Variants in RNF40 observed in about 807,000 individuals in gnomAD.
The protein encoded by RNF40 is ring finger protein 40, also known as E3 ubiquitin-protein ligase BRE1B.
In RNF40, 39 loss-of-function variants were observed where a neutral mutation model predicts 123.3. The observed-to-expected ratio is 0.32, with a 90% confidence interval of 0.24 to 0.41. The LOEUF is 0.41. RNF40 is among the 10% of genes least tolerant of loss of function. The pLI is 1.00. For synonymous variants in RNF40, 538 were observed against 526.0 expected (o/e 1.02, Z -0.31); for missense variants, 1,003 against 1,319.9 (o/e 0.76, Z 3.72).
chr16:30,770,420 T>C (rs1016023987), intron 17 of RNF40, among the ~76,000 whole-genome samples: 66 of 152,160 alleles, frequency 4.3e-4, no homozygotes, highest in Non-Finnish European at 8.4e-4. Context: ...GATTTTGTTT[T>C]TAGCCTCGTT....
intron 17 of RNF40, 57 bp downstream of exon 17, chr16:30,769,657 C>G: frequency 6.8e-7 from 1 of 1,473,442 alleles, no homozygotes; most frequent in Admixed American, 2.5e-5. Flanking sequence ...TCCTCACCTT[C>G]CGGTTCTGCT....
At chr16:30,773,851 G>A in intron 19 of RNF40, 87 bp from the exon 20 acceptor site, 1 of 1,356,820 alleles carries the variant, frequency 7.4e-7, no homozygotes, top group Middle Eastern at 1.9e-4. Context: ...CCAGTGTGGT[G>A]GGCTTGGCCT....
Position 30,776,167 on chromosome 16 carries a change from G to T in RNF40, c.*2053G>T, listed in dbSNP as rs1225727788. 1 of 152,218 alleles carries T rather than the reference G, an allele frequency of 6.6e-6. No individual in the cohort carries two copies. Among genetic ancestry groups the T allele is most frequent in the Non-Finnish European group, 1.5e-5 (1 of 68,056 alleles). The allele number at this position is 152,218 out of a possible 1,614,324, so 9.4% of individuals were successfully genotyped here. On this transcript the variant is annotated 3_prime_UTR_variant, in exon 20 of 20. Transcript: ENST00000324685. ...CGGTCCCCTTCCAGGAGTAGCCTTC[G>T]CCTGGGCTCTTGAGTAGATGCCAAG... is the stretch of plus-strand genomic sequence containing the variant.
intron 11 of RNF40, among the ~76,000 whole-genome samples, chr16:30,767,313 A>G (rs1255355611): frequency 6.6e-6 from 1 of 152,220 alleles, no homozygotes; most frequent in Non-Finnish European, 1.5e-5. Flanking sequence ...AAAATGTGTT[A>G]GCTCTTGACA....
chr16:30,768,082 T>C lies in RNF40; in HGVS notation c.1552-21T>C, dbSNP rs1302139173. 1 of 1,613,072 alleles carries C rather than the reference T, an allele frequency of 6.2e-7. No homozygotes were observed. The highest frequency in any genetic ancestry group is 1.7e-5 in the Admixed American group (1 of 60,000). Reference sequence around the variant, plus strand: ...AGTGAACACCATCTGACTTCATCCCTCTTCCTCTCTGCCTTTGCAGCTCCG... The same window carrying C: ...AGTGAACACCATCTGACTTCATCCCCCTTCCTCTCTGCCTTTGCAGCTCCG... On this transcript the variant is annotated intron_variant, in intron 12 of 19. Transcript: ENST00000324685. The surrounding 1 kb of genome is among the most constrained non-coding windows in gnomAD (Gnocchi z 4.1).
At chr16:30,772,702 A>G (rs996160573) in intron 19 of RNF40, among the ~76,000 whole-genome samples, 1 of 152,218 alleles carries the variant, frequency 6.6e-6, no homozygotes, top group Non-Finnish European at 1.5e-5. Context: ...TTGTAATCAG[A>G]GGAGCCAATG....
At chr16:30,773,658 G>A (rs1252431051) in intron 19 of RNF40, 2 of 343,644 alleles carry the variant, frequency 5.8e-6, no homozygotes, top group East Asian at 4.7e-5. Context: ...CCAAGGCAGA[G>A]TCCAGGCTGG....
At chr16:30,767,662 C>T (rs2151330135) in intron 11 of RNF40, 2 of 469,074 alleles carry the variant, frequency 4.3e-6, no homozygotes, top group South Asian at 3.7e-5. Context: ...AACAAAAAAC[C>T]CCACATATTC....
At chr16:30,761,818 G>A (rs1357485953), upstream of RNF40, 4 of 1,393,684 alleles carry the variant, frequency 2.9e-6, no homozygotes, top group Middle Eastern at 2.5e-4. Context: ...GCCAGCGCTC[G>A]GTCGGCGGCT....
Position 30,762,576 on chromosome 16 carries a change from G to T in RNF40, c.31G>T (p.Gly11Cys), listed in dbSNP as rs1256128904. The T allele has an allele frequency of 8.7e-6, 14 of 1,601,050 alleles. No individual in the cohort carries two copies. Among genetic ancestry groups the T allele is most frequent in the South Asian group, 1.1e-5 (1 of 90,266 alleles). MSGPGNKRAA[G>C]DGGSGPPEKK... ...TGGGCCAGGCAACAAACGCGCCGCC[G>T]GCGACGGGGGCTCAGGGCCCCCGGA... is the stretch of plus-strand genomic sequence containing the variant. The change falls in exon 2 of 20, where the codon GGC becomes TGC. Residue 11 changes from glycine (G) to cysteine (C), a missense_variant. Gly to Cys is a radical substitution (Grantham distance 159). Transcript: ENST00000324685.
rs2053940152 is a variant in RNF40, at chr16:30,763,490, C to T, written c.373C>T (p.Pro125Ser). 1.2e-6 allele frequency: 2 copies of T among 1,613,884 alleles called. No homozygotes were observed. Among genetic ancestry groups the T allele is most frequent in the South Asian group, 1.1e-5 (1 of 91,068 alleles). The change falls in exon 4 of 20, where the codon CCT becomes TCT. Residue 125 changes from proline to serine, a missense_variant. Coordinates refer to ENST00000324685, the MANE Select transcript of RNF40 (RefSeq NM_014771.4). Reference protein sequence around the residue: ...QGELSSAPEAPGTQEGPTCDG... With the variant: ...QGELSSAPEASGTQEGPTCDG... ...GGAGCTGTCTTCAGCGCCTGAGGCA[C>T]CTGGGACCCAGGAGGGGCCAACATG...
intron 17 of RNF40, 145 bp from the exon 18 acceptor site, chr16:30,771,688 G>C: frequency 1.2e-6 from 1 of 818,724 alleles, no homozygotes; most frequent in Non-Finnish European, 1.9e-6. Context: ...AGAACAGGAG[G>C]GGAGGGCTTA....
rs746799774 is a variant in RNF40, at chr16:30,768,145, C to G, written c.1594C>G (p.Leu532Val). The G allele has an allele frequency of 6.2e-7, 1 of 1,607,556 alleles. No individual in the cohort carries two copies. The highest frequency in any genetic ancestry group is 1.1e-5 in the South Asian group (1 of 90,342). ...ASGSAHSTPNLGHPEDSGVSA... is the reference protein window; with the variant it reads ...ASGSAHSTPNVGHPEDSGVSA... ...TGGCTCTGCCCACTCCACCCCCAAC[C>G]TGGGCCACCCAGAGGATTCTGGCGT... The change falls in exon 13 of 20, where the codon CTG (leucine) becomes GTG (valine). Residue 532 changes from leucine (L) to valine (V), a missense_variant. Around this residue, in one of 11 missense-constraint regions of RNF40, gnomAD observed 295 missense variants for 331.7 expected, o/e 0.89. Transcript: ENST00000324685. The surrounding 1 kb of genome is among the most constrained non-coding windows in gnomAD (Gnocchi z 4.1).
In RNF40 at chr16:30,769,568, C is replaced by T. The variant is rs556482976; in HGVS notation, c.2554C>T (p.Arg852Cys). Reference protein sequence around the residue: ...LGGVEKELTLRSQALELNKRK... With the variant: ...LGGVEKELTLCSQALELNKRK... The stretch of plus-strand genomic sequence containing the variant: ...GGGTGTGGAGAAGGAGCTGACGCTG[C>T]GCAGCCAAGCCCTGGAGCTCAACAA... Residue 852 changes from arginine (R) to cysteine (C), a missense_variant, in exon 17 of 20, where the codon CGC becomes TGC. Physicochemically the swap from Arg to Cys is radical, Grantham distance 180. Around this residue, in one of 11 missense-constraint regions of RNF40, gnomAD observed 121 missense variants for 125.3 expected, o/e 0.97. Coordinates refer to ENST00000324685, the MANE Select transcript of RNF40 (RefSeq NM_014771.4). 5.0e-6 allele frequency: 8 copies of T among 1,604,534 alleles called. No individual in the cohort carries two copies. The highest frequency in any genetic ancestry group is 3.4e-5 in the Admixed American group (2 of 58,564).
In RNF40 at chr16:30,768,431, T is replaced by C. The variant is rs2054080385; in HGVS notation, c.1880T>C (p.Val627Ala). The change falls in exon 13 of 20, where the codon GTA becomes GCA. Residue 627 changes from valine (V) to alanine (A), a missense_variant. Transcript: ENST00000324685. This position sits in a 1 kb window ranked among gnomAD's most constrained non-coding sequence, Gnocchi z 4.1. ...GGTCCCAGCCTAGGACCTCCACCTG[T>C]AGCCTCCGCTCTCTCAAGGGCTGAT... is the stretch of plus-strand genomic sequence containing the variant. ...REGPSLGPPP[V>A]ASALSRADRE... 6.2e-7 allele frequency: 1 copy of C among 1,613,486 alleles called. No individual in the cohort carries two copies. Among genetic ancestry groups the C allele is most frequent in the Admixed American group, 1.7e-5 (1 of 59,908 alleles).
chr16:30,766,088 G>A lies in RNF40; in HGVS notation c.994-75G>A, dbSNP rs567910396. On this transcript the variant is annotated intron_variant, in intron 8 of 19. Transcript: ENST00000324685. The surrounding 1 kb of genome is among the most constrained non-coding windows in gnomAD (Gnocchi z 5.4). ...CTGCACGGGGTGCTTGGGGTGGAGTGTATGCTGGGGATGTAAGGGAGGCCT... is the reference window on the plus strand; with the variant it reads ...CTGCACGGGGTGCTTGGGGTGGAGTATATGCTGGGGATGTAAGGGAGGCCT... 3.6e-4 allele frequency: 582 copies of A among 1,603,224 alleles called. No individual in the cohort carries two copies. Among genetic ancestry groups the A allele is most frequent in the Non-Finnish European group, 4.6e-4 (538 of 1,172,542 alleles).
intron 19 of RNF40, 40 bp from the exon 20 acceptor site, chr16:30,773,897 TG>T: frequency 6.3e-7 from 1 of 1,582,864 alleles, no homozygotes. Flanking sequence ...GTCTGGGCAC[TG>T]TCAGAGTTGT....
chr16:30,773,734 ACT>A (rs2054186633), intron 19 of RNF40: 1 of 496,210 alleles, frequency 2.0e-6, no homozygotes, highest in Admixed American at 3.4e-5. Flanking sequence ...ATGAATCCGG[ACT>A]CTGCTGATTT....
At chr16:30,770,668 C>G (rs1037846314) in intron 17 of RNF40, among the ~76,000 whole-genome samples, 1 of 152,164 alleles carries the variant, frequency 6.6e-6, no homozygotes, top group African/African-American at 2.4e-5. Context: ...AAGCTGTTTT[C>G]TTCTCCAGTT....
Sources: gnomAD v4.1 joint callset for allele counts (sites outside exome capture counted in the v4.1 genomes callset) on GRCh38, gnomAD v4.1.1 for gene constraint, gnomAD v4.1.1 regional missense constraint, Gnocchi (gnomAD v3.1) non-coding constraint, MANE v1.5 for transcripts, NCBI Gene and HGNC (gene_info 2026-07-23, HGNC 2026-07-21) for gene names.